Variants in CHD6 observed in about 807,000 individuals in gnomAD.
The protein encoded by CHD6 is ATP-dependent chromatin remodeler CHD6.
Under a neutral mutation model 276.9 loss-of-function variants are expected in CHD6, and 50 were observed. The observed-to-expected ratio is 0.18, with a 90% CI of 0.14 to 0.23. The LOEUF is 0.23. CHD6 is among the 10% of genes least tolerant of loss of function. CHD6 has a pLI of 1.00. For synonymous variants in CHD6, 1,173 were observed against 1,229.3 expected, an observed-to-expected ratio of 0.95 and a Z score of 0.96; for missense variants, 2,564 against 3,365.8, an observed-to-expected ratio of 0.76 and a Z score of 5.89.
At chr20:41,494,745 C>T (rs2043640481) in intron 8 of CHD6, among the ~76,000 whole-genome samples, 1 of 152,160 alleles carries the variant, frequency 6.6e-6, no homozygotes, top group African/African-American at 2.4e-5. Context: ...ACTTTTGGGG[C>T]TAATTTCATC....
intron 23 of CHD6, among the ~76,000 whole-genome samples, chr20:41,448,903 A>T (rs866393342): frequency 5.6e-5 from 8 of 143,690 alleles, no homozygotes; most frequent in Middle Eastern, 3.7e-3. Flanking sequence ...TTCTGAGAGT[A>T]TTTTTTTTTT....
intron 29 of CHD6, 90 bp downstream of exon 29, chr20:41,425,088 A>G (rs1412829626): frequency 1.0e-6 from 1 of 974,394 alleles, no homozygotes; most frequent in Non-Finnish European, 1.6e-6. Flanking sequence ...GAGAACAGAA[A>G]TATACTCGCC....
At chr20:41,455,187 T>C (rs2048345294) in intron 19 of CHD6, among the ~76,000 whole-genome samples, 1 of 152,196 alleles carries the variant, frequency 6.6e-6, no homozygotes, top group African/African-American at 2.4e-5. Context: ...TATAAAACAC[T>C]GAACGTCCCA....
At chr20:41,459,101 T>A (rs1249831801) in intron 17 of CHD6, among the ~76,000 whole-genome samples, 1 of 152,074 alleles carries the variant, frequency 6.6e-6, no homozygotes, top group Non-Finnish European at 1.5e-5. Flanking sequence ...AAGGGGTAAG[T>A]CTAAGCAGGA....
intron 2 of CHD6, among the ~76,000 whole-genome samples, chr20:41,549,349 T>C (rs1281580444): frequency 6.6e-6 from 1 of 150,432 alleles, no homozygotes. Flanking sequence ...TGTAGGGACA[T>C]GGATGAAGCT....
chr20:41,525,409 G>C (rs1263929017), intron 3 of CHD6, among the ~76,000 whole-genome samples: 1 of 152,106 alleles, frequency 6.6e-6, no homozygotes, highest in Non-Finnish European at 1.5e-5. Flanking sequence ...CCCTCCTCCA[G>C]AGCTGCCTGC....
chr20:41,580,480 C>T (rs890541429), intron 1 of CHD6, among the ~76,000 whole-genome samples: 1 of 151,578 alleles, frequency 6.6e-6, no homozygotes, highest in Non-Finnish European at 1.5e-5. Flanking sequence ...CATAAGGACG[C>T]CCCATCTCTA....
At chr20:41,507,540 A>C (rs1259608274) in intron 5 of CHD6, among the ~76,000 whole-genome samples, 3 of 152,206 alleles carry the variant, frequency 2.0e-5, no homozygotes, top group Non-Finnish European at 4.4e-5. Context: ...CGAAGTAGGA[A>C]GGGAGCTGGA....
intron 1 of CHD6, among the ~76,000 whole-genome samples, chr20:41,558,407 A>C (rs951858146): frequency 5.3e-5 from 8 of 152,238 alleles, no homozygotes; most frequent in South Asian, 4.1e-4. Context: ...AAGACTAGCT[A>C]TAGGCAGCTA....
chr20:41,497,932 G>C (rs2043727671), intron 7 of CHD6: 2 of 504,838 alleles, frequency 4.0e-6, no homozygotes, highest in Admixed American at 7.7e-5. Flanking sequence ...CACTGAGTCT[G>C]AGCCAATGGT....
chr20:41,555,653 G>A (rs1397268398), intron 1 of CHD6, among the ~76,000 whole-genome samples: 46 of 151,512 alleles, frequency 3.0e-4, no homozygotes, highest in African/African-American at 1.1e-3. Context: ...CATCCCAGAC[G>A]GGGCGGCGGG....
At chr20:41,591,617 C>T (rs529611815) in intron 1 of CHD6, among the ~76,000 whole-genome samples, 55 of 152,098 alleles carry the variant, frequency 3.6e-4, no homozygotes, top group Non-Finnish European at 6.0e-4. Context: ...CACTTGAACC[C>T]GGGAGGCGGA....
chr20:41,498,007 A>G (rs1259062468), intron 7 of CHD6, 161 bp downstream of exon 7: 1 of 594,596 alleles, frequency 1.7e-6, no homozygotes. Context: ...GTGCAGCTAT[A>G]ATTGAGCGTT....
intron 1 of CHD6, among the ~76,000 whole-genome samples, chr20:41,606,456 G>A (rs908649142): frequency 4.1e-4 from 62 of 152,290 alleles, no homozygotes; most frequent in Non-Finnish European, 2.5e-4. Flanking sequence ...GGAGTTTGCA[G>A]TGAGCCGAGA....
intron 1 of CHD6, among the ~76,000 whole-genome samples, chr20:41,552,034 C>T (rs1169890841): frequency 1.3e-5 from 2 of 152,024 alleles, no homozygotes; most frequent in African/African-American, 2.4e-5. Context: ...CCATAAAAGC[C>T]CAGTAATTGT....
At chr20:41,516,055 A>G (rs1241750221) in intron 3 of CHD6, among the ~76,000 whole-genome samples, 1 of 152,226 alleles carries the variant, frequency 6.6e-6, no homozygotes, top group Non-Finnish European at 1.5e-5. Context: ...TAGGAATAAC[A>G]ATAACTAATG....
chr20:41,501,740 A>G (rs6029711), intron 5 of CHD6, among the ~76,000 whole-genome samples: 5 of 152,304 alleles, frequency 3.3e-5, no homozygotes, highest in African/African-American at 1.2e-4. Flanking sequence ...AATAAATAAT[A>G]TTGTCAAAAA....
intron 36 of CHD6, among the ~76,000 whole-genome samples, chr20:41,410,911 CCGTGT>C (rs2046822868): frequency 6.6e-6 from 1 of 152,014 alleles, no homozygotes; most frequent in Admixed American, 6.6e-5. Context: ...ATCTGAGACA[CCGTGT>C]GCCGAGACAA....
At chr20:41,517,040 T>A (rs999179146) in intron 3 of CHD6, among the ~76,000 whole-genome samples, 2 of 152,268 alleles carry the variant, frequency 1.3e-5, no homozygotes, top group African/African-American at 4.8e-5. Flanking sequence ...GCTTCCCTCT[T>A]GAACACCCGT....
Sources: allele counts gnomAD v4.1 joint callset (sites outside exome capture counted in the v4.1 genomes callset), GRCh38; gene constraint gnomAD v4.1.1; transcripts MANE v1.5; gene names NCBI Gene and HGNC (gene_info 2026-07-23, HGNC 2026-07-21).